The following SSH2 variants were observed in gnomAD, a reference collection of about 807,000 sequenced individuals.
SSH2 encodes the protein slingshot protein phosphatase 2.
Under a neutral mutation model 135.2 loss-of-function variants are expected in SSH2, and 37 were observed. That is an observed-to-expected ratio of 0.27 (90% confidence interval 0.21 to 0.36). The LOEUF is 0.36. Ranked by LOEUF, SSH2 falls within the 10% of genes least tolerant of loss-of-function variation. The pLI, the probability that SSH2 is intolerant of heterozygous loss-of-function variation, is 1.00. For missense variants in SSH2, 1,408 were observed against 1,765.3 expected, an observed-to-expected ratio of 0.80 and a Z score of 3.63; for synonymous variants, 628 against 646.2, an observed-to-expected ratio of 0.97 and a Z score of 0.43.
At chr17:29,789,917 G>A (rs1437321697) in intron 3 of SSH2, among the ~76,000 whole-genome samples, 1 of 152,154 alleles carries the variant, frequency 6.6e-6, no homozygotes, top group Non-Finnish European at 1.5e-5. Flanking sequence ...ACCTCACCAT[G>A]GTATTTTGGA....
intron 1 of SSH2, among the ~76,000 whole-genome samples, chr17:29,888,644 G>C (rs1352891150): frequency 1.3e-5 from 2 of 151,908 alleles, no homozygotes; most frequent in Non-Finnish European, 2.9e-5. Context: ...TCAGTATAAA[G>C]AAAGTGACAG....
In SSH2 at chr17:29,626,545, T is replaced by A. The variant is rs1449386517; in HGVS notation, c.*4296A>T. On this transcript the variant is annotated 3_prime_UTR_variant, in exon 16 of 16. Coordinates refer to ENST00000540801, the MANE Select transcript of SSH2 (RefSeq NM_001282129.2). ...CAAGGTGATTAAGGATGATTCCAGTTTAGAAATCCTATCCTAGACCTCTGG... is the reference window on the plus strand; with the variant it reads ...CAAGGTGATTAAGGATGATTCCAGTATAGAAATCCTATCCTAGACCTCTGG... 1 of 152,552 alleles carries A rather than the reference T, an allele frequency of 6.6e-6. No individual in the cohort carries two copies. The highest frequency in any genetic ancestry group is 3.2e-3 in the Middle Eastern group (1 of 316). 9.4% of individuals were successfully genotyped at this position (152,552 alleles called of 1,614,324 possible). A position where few individuals can be genotyped will look rare whatever the true frequency, so the allele number is the denominator to read the frequency against.
intron 3 of SSH2, among the ~76,000 whole-genome samples, chr17:29,724,512 G>C (rs2151173589): frequency 1.2e-5 from 1 of 82,382 alleles, no homozygotes; most frequent in Non-Finnish European, 2.3e-5. Flanking sequence ...TGGGCAACAA[G>C]AGCAAAACTC....
At chr17:29,640,542 C>A (rs1316864607) in intron 14 of SSH2, 1 of 151,618 alleles carries the variant, frequency 6.6e-6, no homozygotes, top group Non-Finnish European at 1.5e-5. Flanking sequence ...GGGAGAAAAT[C>A]ATCAGAAAAT....
intron 3 of SSH2, among the ~76,000 whole-genome samples, chr17:29,783,990 C>T (rs1289517258): frequency 3.3e-5 from 4 of 121,054 alleles, no homozygotes; most frequent in South Asian, 3.0e-4. Context: ...GGCGTGAACC[C>T]GGGAGGCGGA....
chr17:29,905,885 T>C lies in SSH2; in HGVS notation c.63+24053A>G, dbSNP rs1197755514. On this transcript the variant is annotated intron_variant, in intron 1 of 15. Coordinates refer to ENST00000540801, the MANE Select transcript of SSH2 (RefSeq NM_001282129.2). The stretch of plus-strand genomic sequence containing the variant: ...CAGACAACTGAACTGGATGACTAAC[T>C]GCAGAAAGGAGCTACCCTCTCTGCT... Among the ~76,000 whole-genome samples, 54 of 152,154 alleles carry C rather than the reference T, an allele frequency of 3.5e-4. 1 individual carries two copies. The highest frequency in any genetic ancestry group is 2.9e-5 in the Non-Finnish European group (2 of 68,008).
At chr17:29,898,550 G>A (rs547213879) in intron 1 of SSH2, among the ~76,000 whole-genome samples, 1 of 152,004 alleles carries the variant, frequency 6.6e-6, no homozygotes, top group African/African-American at 2.4e-5. Flanking sequence ...TAAATTCCTC[G>A]ACACATACAC....
intron 3 of SSH2, among the ~76,000 whole-genome samples, chr17:29,782,704 G>A (rs2041866177): frequency 6.6e-6 from 1 of 152,126 alleles, no homozygotes. Context: ...TCCTGCCTCA[G>A]CCTCCCAAGT....
At chr17:29,891,956 A>T (rs915708857) in intron 1 of SSH2, among the ~76,000 whole-genome samples, 4 of 152,202 alleles carry the variant, frequency 2.6e-5, no homozygotes, top group African/African-American at 9.6e-5. Flanking sequence ...TACCACTAAG[A>T]AAGAAGCTTT....
intron 1 of SSH2, among the ~76,000 whole-genome samples, chr17:29,867,917 C>T (rs1420168997): frequency 6.6e-6 from 1 of 152,152 alleles, no homozygotes; most frequent in Admixed American, 6.5e-5. Context: ...CCAGGCTGAA[C>T]TGGGGGTAAA....
chr17:29,696,208 C>CACAT (rs373379041), intron 4 of SSH2, among the ~76,000 whole-genome samples: 26,543 of 140,050 alleles, frequency 0.19, 2,940 homozygotes, highest in Non-Finnish European at 0.26. Context: ...CACACACACA[C>CACAT]ATATGTATAT....
intron 2 of SSH2, among the ~76,000 whole-genome samples, chr17:29,818,168 T>A (rs12185244): frequency 0.019 from 2,850 of 152,228 alleles, 42 homozygotes; most frequent in Middle Eastern, 0.058. Context: ...TTGTATTATT[T>A]TTTATTATTG....
intron 5 of SSH2, among the ~76,000 whole-genome samples, chr17:29,693,531 T>G (rs974704826): frequency 1.3e-5 from 2 of 151,860 alleles, no homozygotes; most frequent in Non-Finnish European, 2.9e-5. Context: ...AGGCTGGTCT[T>G]GAACTCCTGA....
chr17:29,763,410 A>G (rs1387285346), intron 3 of SSH2, among the ~76,000 whole-genome samples: 7 of 152,132 alleles, frequency 4.6e-5, no homozygotes, highest in Non-Finnish European at 1.0e-4. Flanking sequence ...GATACACCCC[A>G]AAATAAATTG....
chr17:29,738,554 T>TC (rs772044183), intron 3 of SSH2, among the ~76,000 whole-genome samples: 2,659 of 147,842 alleles, frequency 0.018, 81 homozygotes, highest in Non-Finnish European at 0.025. Flanking sequence ...TTTTTTATTT[T>TC]ATTTTATTTT....
At chr17:29,821,293 T>A (rs1309896330) in intron 2 of SSH2, among the ~76,000 whole-genome samples, 1 of 152,164 alleles carries the variant, frequency 6.6e-6, no homozygotes, top group Non-Finnish European at 1.5e-5. Context: ...GGGGTCTCAC[T>A]CTGTTGCCCA....
intron 1 of SSH2, among the ~76,000 whole-genome samples, chr17:29,879,262 T>C (rs1191668158): frequency 6.6e-6 from 1 of 152,204 alleles, no homozygotes; most frequent in African/African-American, 2.4e-5. Flanking sequence ...TCAGCCATGT[T>C]ATCTATCCAA....
chr17:29,831,082 A>C (rs1015735793), intron 2 of SSH2, among the ~76,000 whole-genome samples: 2 of 152,222 alleles, frequency 1.3e-5, no homozygotes, highest in African/African-American at 4.8e-5. Flanking sequence ...GATAAGCCAT[A>C]AATTCTGGGT....
chr17:29,928,509 C>CT, intron 1 of SSH2: 1 of 398,560 alleles, frequency 2.5e-6, no homozygotes, highest in East Asian at 3.6e-5. Context: ...CAAGGCAGTG[C>CT]ACTCCACTGT....
Sources: allele counts gnomAD v4.1 joint callset (sites outside exome capture counted in the v4.1 genomes callset), GRCh38; gene constraint gnomAD v4.1.1; transcripts MANE v1.5; gene names NCBI Gene and HGNC (gene_info 2026-07-23, HGNC 2026-07-21).